Variants in PCDHA10 observed in about 807,000 individuals in gnomAD.
The protein encoded by PCDHA10 is protocadherin alpha 10, also known as protocadherin alpha-10.
A neutral mutation model predicts 61.2 loss-of-function variants in PCDHA10; 45 were observed. The ratio of observed to expected loss-of-function variants is 0.74; its 90% CI spans 0.58 to 0.94. PCDHA10 has a LOEUF of 0.94. Among genes scored for constraint, PCDHA10 ranks in the 40% least tolerant of loss-of-function variants. The pLI, the probability that PCDHA10 is intolerant of heterozygous loss-of-function variation, is 0.00. For synonymous variants in PCDHA10, 602 were observed against 548.8 expected (o/e 1.10, Z -1.35); for missense variants, 1,278 against 1,236.2 (o/e 1.03, Z -0.51).
rs57893927 is a variant in PCDHA10 at position 140,946,631 on chromosome 5, T to TATATAC, written c.2389-32317_2389-32316insTATACA. Among the ~76,000 whole-genome samples, 104 of 131,796 alleles carry TATATAC rather than the reference T, an allele frequency of 7.9e-4. 5 individuals are homozygous for TATATAC. Among genetic ancestry groups the TATATAC allele is most frequent in the Admixed American group, 1.7e-3 (23 of 13,490 alleles). The allele number at this position is 131,796 out of a possible 152,430, so 86.5% of individuals were successfully genotyped here. Reference sequence around the variant, plus strand: ...TGTGAAATATATATATATATATATATACAATGGAATACTCATCAGCCATTA... The same window carrying TATATAC: ...TGTGAAATATATATATATATATATATATATACACAATGGAATACTCATCAGCCATTA... On this transcript the variant is annotated intron_variant, in intron 1 of 3. Transcript: ENST00000307360.
At chr5:140,941,666 C>G (rs1029878263) in intron 1 of PCDHA10, among the ~76,000 whole-genome samples, 4 of 152,004 alleles carry the variant, frequency 2.6e-5, no homozygotes, top group Non-Finnish European at 4.4e-5. Context: ...AATTTTATGT[C>G]AAGTTCAATA....
intron 1 of PCDHA10, among the ~76,000 whole-genome samples, chr5:140,893,419 G>A (rs2063984571): frequency 6.6e-6 from 1 of 152,158 alleles, no homozygotes; most frequent in African/African-American, 2.4e-5. Context: ...TAGGGAGGCA[G>A]AGGCAGGAAG....
chr5:140,886,996 T>C (rs1554182808), intron 1 of PCDHA10, among the ~76,000 whole-genome samples: 1 of 152,182 alleles, frequency 6.6e-6, no homozygotes, highest in African/African-American at 2.4e-5. Flanking sequence ...AATTTCCAGT[T>C]GGTATCACTT....
intron 3 of PCDHA10, among the ~76,000 whole-genome samples, chr5:140,983,949 T>TA (rs1554245835): frequency 1.3e-5 from 2 of 152,176 alleles, no homozygotes. Flanking sequence ...ACAATTCAAC[T>TA]AAAAGTCACA....
chr5:140,976,897 T>C (rs2096736712), intron 1 of PCDHA10, among the ~76,000 whole-genome samples: 1 of 152,220 alleles, frequency 6.6e-6, no homozygotes, highest in Admixed American at 6.5e-5. Flanking sequence ...CATGCAACAG[T>C]ATGTAATAAA....
intron 3 of PCDHA10, among the ~76,000 whole-genome samples, chr5:140,992,758 G>T (rs1160312796): frequency 6.6e-6 from 1 of 152,182 alleles, no homozygotes; most frequent in Non-Finnish European, 1.5e-5. Flanking sequence ...CTGTGTTGGG[G>T]ATAGGAGGGT....
chr5:140,969,366 A>C (rs1554231734), intron 1 of PCDHA10: 1 of 1,609,828 alleles, frequency 6.2e-7, no homozygotes. Context: ...CTACAAACTC[A>C]TGCATTTGTT....
chr5:140,908,547 A>G (rs2074022083), intron 1 of PCDHA10, among the ~76,000 whole-genome samples: 1 of 152,152 alleles, frequency 6.6e-6, no homozygotes, highest in Non-Finnish European at 1.5e-5. Context: ...AAAGCCCAGT[A>G]ATAGGCCAAG....
intron 3 of PCDHA10, among the ~76,000 whole-genome samples, chr5:140,984,877 C>A (rs1178230954): frequency 1.3e-5 from 2 of 151,944 alleles, no homozygotes; most frequent in Non-Finnish European, 2.9e-5. Flanking sequence ...TATTGAGTTA[C>A]CATGAGAACT....
intron 1 of PCDHA10, chr5:140,928,544 A>G (rs1554205985): frequency 3.1e-6 from 5 of 1,614,062 alleles, no homozygotes; most frequent in Middle Eastern, 1.6e-4. Flanking sequence ...AGGAATGACA[A>G]TTATCCGGTT....
chr5:140,896,929 G>A (rs2065808653), intron 1 of PCDHA10, among the ~76,000 whole-genome samples: 2 of 152,106 alleles, frequency 1.3e-5, no homozygotes, highest in African/African-American at 4.8e-5. Flanking sequence ...ATCACATCAT[G>A]GAAAATGGAA....
intron 1 of PCDHA10, chr5:140,870,529 G>C: frequency 6.2e-7 from 1 of 1,614,214 alleles, no homozygotes. Flanking sequence ...CATCTTCACA[G>C]TGTCGGCGCG....
At chr5:140,874,305 A>G (rs2054830761) in intron 1 of PCDHA10, among the ~76,000 whole-genome samples, 1 of 152,116 alleles carries the variant, frequency 6.6e-6, no homozygotes, top group Non-Finnish European at 1.5e-5. Context: ...CTTGTTCACA[A>G]TGAGTTGTAG....
intron 1 of PCDHA10, chr5:140,884,214 T>G: frequency 6.2e-7 from 1 of 1,613,446 alleles, no homozygotes; most frequent in African/African-American, 1.3e-5. Context: ...CGCCTTCTGG[T>G]GCTGGTGAAG....
At chr5:140,905,787 G>A (rs1468265319) in intron 1 of PCDHA10, among the ~76,000 whole-genome samples, 1 of 152,012 alleles carries the variant, frequency 6.6e-6, no homozygotes, top group Non-Finnish European at 1.5e-5. Context: ...TATTAGTCAG[G>A]GTTCTCTAGA....
intron 1 of PCDHA10, chr5:140,927,862 G>A (rs1397918624): frequency 2.5e-6 from 4 of 1,614,082 alleles, no homozygotes; most frequent in African/African-American, 2.7e-5. Context: ...AGCTAGCACC[G>A]CTAAACTGCT....
chr5:140,883,676 C>T lies in PCDHA10; in HGVS notation c.2388+25240C>T, dbSNP rs986680593. 6.2e-6 allele frequency: 10 copies of T among 1,613,792 alleles called. No homozygotes were observed. In the Admixed American group the frequency reaches 1.0e-4, roughly 16 times the overall value. On this transcript the variant is annotated intron_variant, in intron 1 of 3. Transcript: ENST00000307360. Reference sequence around the variant, plus strand: ...GGTGTTCGTGAAGGAAAACAATCCGCCGGGCTGCCACATCTTCACGGTGTC... The same window carrying T: ...GGTGTTCGTGAAGGAAAACAATCCGTCGGGCTGCCACATCTTCACGGTGTC...
intron 1 of PCDHA10, among the ~76,000 whole-genome samples, chr5:140,972,262 C>G (rs116021362): frequency 0.021 from 3,220 of 151,618 alleles, 50 homozygotes; most frequent in Non-Finnish European, 0.033. Context: ...ACATCAGCCT[C>G]CTGAGTAGCT....
At chr5:140,966,756 G>A (rs1476318654) in intron 1 of PCDHA10, 9 of 1,437,232 alleles carry the variant, frequency 6.3e-6, no homozygotes, top group Non-Finnish European at 8.2e-6. Flanking sequence ...CCTCCGCCGC[G>A]GCCAGTGGCT....
Sources: gnomAD v4.1 joint callset for allele counts (sites outside exome capture counted in the v4.1 genomes callset) on GRCh38, gnomAD v4.1.1 for gene constraint, MANE v1.5 for transcripts, NCBI Gene and HGNC (gene_info 2026-07-23, HGNC 2026-07-21) for gene names.